The following SPARC variants were observed in gnomAD, a reference collection of about 807,000 sequenced individuals.
SPARC encodes basement-membrane protein 40.
Under a neutral mutation model 37.7 loss-of-function variants are expected in SPARC, and 23 were observed. The observed-to-expected ratio is 0.61, with a 90% CI of 0.44 to 0.87. The LOEUF (loss-of-function observed/expected upper bound fraction) is 0.87. Among genes scored for constraint, SPARC ranks in the 40% least tolerant of loss-of-function variants. The pLI, the probability that SPARC is intolerant of heterozygous loss-of-function variation, is 0.00. For synonymous variants in SPARC, 155 were observed against 150.8 expected (o/e 1.03, Z -0.20); for missense variants, 312 against 389.0 (o/e 0.80, Z 1.66).
chr5:151,668,511 C>G (rs1445231713), intron 6 of SPARC, among the ~76,000 whole-genome samples: 1 of 152,124 alleles, frequency 6.6e-6, no homozygotes, highest in Non-Finnish European at 1.5e-5. Flanking sequence ...GGGACTTGCT[C>G]AAGGCCACAA....
In SPARC at chr5:151,673,195, C is replaced by A. The variant is rs371588378; in HGVS notation, c.142G>T (p.Val48Phe). ...TCAAATTCTCCTACTTCCACCTGGA[C>A]AGGATTAGCTCCCACAGATACCTGG... is the stretch of plus-strand genomic sequence containing the variant. ...VTEVSVGANP[V>F]QVEVGEFDDG... The change falls in exon 4 of 10, where the codon GTC (valine) becomes TTC (phenylalanine). Residue 48 changes from valine to phenylalanine, a missense_variant. Transcript: ENST00000231061. 4 of 1,613,440 alleles carry A rather than the reference C, an allele frequency of 2.5e-6. No homozygotes were observed. Among genetic ancestry groups the A allele is most frequent in the Non-Finnish European group, 3.4e-6 (4 of 1,179,332 alleles).
chr5:151,683,278 C>G (rs1045765109), intron 1 of SPARC, among the ~76,000 whole-genome samples: 1 of 152,226 alleles, frequency 6.6e-6, no homozygotes, highest in East Asian at 1.9e-4. Context: ...GGCCTAATGA[C>G]AAAGCCACGT....
Position 151,667,593 on chromosome 5 carries a change from G to A in SPARC, c.459C>T (p.Pro153=). The A allele has an allele frequency of 6.2e-7, 1 of 1,614,060 alleles. No homozygotes were observed. The highest frequency in any genetic ancestry group is 1.1e-5 in the South Asian group (1 of 91,062). Reference sequence around the variant, plus strand: ...CGGTCAGCTCAGAGTCCAGGCAAGGGGGGATGTCTAGGTTCCAAACACAAG... The same window carrying A: ...CGGTCAGCTCAGAGTCCAGGCAAGGAGGGATGTCTAGGTTCCAAACACAAG... ...LDYIGPCKYI[P]PCLDSELTEF... is the part of the protein sequence containing the mutation. The change falls in exon 7 of 10, where the codon CCC becomes CCT. Residue 153 remains proline (P), a synonymous_variant. Coordinates refer to ENST00000231061, the MANE Select transcript of SPARC (RefSeq NM_003118.4).
chr5:151,667,806 T>C (rs926277150), intron 6 of SPARC, among the ~76,000 whole-genome samples: 1 of 152,260 alleles, frequency 6.6e-6, no homozygotes, highest in Non-Finnish European at 1.5e-5. Flanking sequence ...TGCAAAGGCA[T>C]GGCTGCTGCT....
At position 151,669,790 on chromosome 5, in the gene SPARC, G is replaced by A. The variant is rs771329581; in HGVS notation, c.331-6C>T. 3 of 1,614,084 alleles carry A rather than the reference G, an allele frequency of 1.9e-6. No individual in the cohort carries two copies. The Admixed American group carries it at 5.0e-5, about 27-fold the overall frequency. On this transcript the variant is annotated splice_region_variant and splice_polypyrimidine_tract_variant and intron_variant, in intron 5 of 9. Transcript: ENST00000231061. ...TTGTTGTCATTGCTGCACACCTGTTGGCAAAGCACAGAGTACCCCCTCCTT... is the reference window on the plus strand; with the variant it reads ...TTGTTGTCATTGCTGCACACCTGTTAGCAAAGCACAGAGTACCCCCTCCTT...
At chr5:151,676,282 A>C (rs916902898) in intron 1 of SPARC, 81 bp from the exon 2 acceptor site, 1 of 897,986 alleles carries the variant, frequency 1.1e-6, no homozygotes. Flanking sequence ...GATATGTGCA[A>C]GATAATGTTA....
At chr5:151,678,824 C>T (rs1480898410) in intron 1 of SPARC, among the ~76,000 whole-genome samples, 2 of 152,202 alleles carry the variant, frequency 1.3e-5, no homozygotes, top group Non-Finnish European at 2.9e-5. Flanking sequence ...GGGTCCTGCC[C>T]AGCACCCGGT....
At chr5:151,668,350 G>C (rs1760675779) in intron 6 of SPARC, among the ~76,000 whole-genome samples, 1 of 151,922 alleles carries the variant, frequency 6.6e-6, no homozygotes, top group African/African-American at 2.4e-5. Flanking sequence ...ACAAGGTTTT[G>C]CCACGTTGCC....
At chr5:151,680,700 C>A (rs1316213449) in intron 1 of SPARC, among the ~76,000 whole-genome samples, 1 of 152,096 alleles carries the variant, frequency 6.6e-6, no homozygotes, top group Non-Finnish European at 1.5e-5. Flanking sequence ...AATTGTATGA[C>A]CTTTAGAAAT....
At chr5:151,679,829 C>G (rs1004697101) in intron 1 of SPARC, 3 of 152,200 alleles carry the variant, frequency 2.0e-5, no homozygotes, top group Non-Finnish European at 4.4e-5. Flanking sequence ...AACGTTAGAA[C>G]AGGGGGGATA....
intron 1 of SPARC, among the ~76,000 whole-genome samples, chr5:151,680,833 G>A (rs1408853339): frequency 6.6e-6 from 1 of 152,220 alleles, no homozygotes; most frequent in Non-Finnish European, 1.5e-5. Context: ...GGTAAGCAAT[G>A]TTGTCGTTGG....
chr5:151,673,357 G>A, intron 3 of SPARC, 141 bp from the exon 4 acceptor site: 1 of 689,826 alleles, frequency 1.4e-6, no homozygotes, highest in South Asian at 1.6e-5. Flanking sequence ...GCTGTGTTTT[G>A]CAGTATGCCT....
chr5:151,664,518 CA>C (rs1318861962), intron 8 of SPARC, among the ~76,000 whole-genome samples: 2 of 152,106 alleles, frequency 1.3e-5, no homozygotes, highest in Non-Finnish European at 2.9e-5. Context: ...TTCAGGGTCT[CA>C]AAAACAAAGG....
intron 1 of SPARC, among the ~76,000 whole-genome samples, chr5:151,682,426 T>C (rs560486877): frequency 6.6e-6 from 1 of 152,344 alleles, no homozygotes; most frequent in Admixed American, 6.5e-5. Flanking sequence ...GTCCAGGCTA[T>C]TGCATCTGGA....
At chr5:151,682,637 C>T (rs972025323) in intron 1 of SPARC, among the ~76,000 whole-genome samples, 1 of 152,194 alleles carries the variant, frequency 6.6e-6, no homozygotes, top group African/African-American at 2.4e-5. Flanking sequence ...TGTCAGGCCA[C>T]ATGAAACCTC....
At chr5:151,678,620 C>T (rs1760915281) in intron 1 of SPARC, among the ~76,000 whole-genome samples, 1 of 152,150 alleles carries the variant, frequency 6.6e-6, no homozygotes, top group African/African-American at 2.4e-5. Context: ...TGTCCAAAGT[C>T]ATGCAACAAT....
intron 1 of SPARC, among the ~76,000 whole-genome samples, chr5:151,686,154 GATAAACTAA>G (rs749684409): frequency 2.9e-4 from 44 of 152,142 alleles, no homozygotes; most frequent in Non-Finnish European, 6.2e-4. Flanking sequence ...TTCAGATCTA[GATAAACTAA>G]GGGCTACTGC....
chr5:151,680,352 C>T (rs778422779), intron 1 of SPARC, among the ~76,000 whole-genome samples: 210 of 150,958 alleles, frequency 1.4e-3, no homozygotes, highest in Non-Finnish European at 2.4e-3. Context: ...CTCAGCCTCC[C>T]GAGTAGCTGA....
chr5:151,667,568 C>G lies in SPARC; in HGVS notation c.484G>C (p.Glu162Gln), dbSNP rs371065357. ...CAGTCCCGCATGCGCAGGGGGAATT[C>G]GGTCAGCTCAGAGTCCAGGCAAGGG... ...IPPCLDSELT[E>Q]FPLRMRDWLK... Residue 162 changes from glutamate (E) to glutamine (Q), a missense_variant, in exon 7 of 10, where the codon GAA becomes CAA. By Grantham distance (29) the Glu-to-Gln change is conservative. Transcript: ENST00000231061. 1.2e-6 allele frequency: 2 copies of G among 1,614,164 alleles called. No individual in the cohort carries two copies. Among genetic ancestry groups the G allele is most frequent in the Non-Finnish European group, 8.5e-7 (1 of 1,180,018 alleles).
Sources: gnomAD v4.1 joint callset for allele counts (sites outside exome capture counted in the v4.1 genomes callset) on GRCh38, gnomAD v4.1.1 for gene constraint, MANE v1.5 for transcripts, NCBI Gene and HGNC (gene_info 2026-07-23, HGNC 2026-07-21) for gene names.